The following SLC24A3 variants were observed in gnomAD, a reference collection of about 807,000 sequenced individuals.
SLC24A3 encodes the protein sodium/potassium/calcium exchanger 3.
SLC24A3 carries 28 observed loss-of-function variants against 75.8 expected under a neutral mutation model. The observed-to-expected ratio is 0.37, with a 90% CI of 0.27 to 0.51. SLC24A3 has a LOEUF of 0.51. Ranked by LOEUF, SLC24A3 falls within the 20% of genes least tolerant of loss-of-function variation. The pLI is 0.94. For missense variants in SLC24A3, 663 were observed against 847.8 expected, an observed-to-expected ratio of 0.78 and a Z score of 2.71; for synonymous variants, 372 against 334.1, an observed-to-expected ratio of 1.11 and a Z score of -1.24.
At chr20:19,333,236 C>T (rs908850472) in intron 2 of SLC24A3, among the ~76,000 whole-genome samples, 7 of 152,186 alleles carry the variant, frequency 4.6e-5, no homozygotes, top group African/African-American at 1.7e-4. Flanking sequence ...AGAAATTTAT[C>T]CCTGACATCA....
At chr20:19,402,094 G>A (rs1010971289) in intron 2 of SLC24A3, among the ~76,000 whole-genome samples, 1 of 152,134 alleles carries the variant, frequency 6.6e-6, no homozygotes, top group Non-Finnish European at 1.5e-5. Flanking sequence ...TTCAGGAAAG[G>A]AAGAAACAAC....
chr20:19,648,121 G>A (rs550190593), intron 6 of SLC24A3, among the ~76,000 whole-genome samples: 1 of 152,270 alleles, frequency 6.6e-6, no homozygotes, highest in Admixed American at 6.5e-5. Context: ...TTTTTTAAAA[G>A]TGTACTTCAT....
intron 2 of SLC24A3, among the ~76,000 whole-genome samples, chr20:19,327,352 T>G (rs1358780755): frequency 6.6e-6 from 1 of 152,198 alleles, no homozygotes; most frequent in Non-Finnish European, 1.5e-5. Context: ...GTTCTTTCAT[T>G]TTCCCATGCA....
intron 2 of SLC24A3, among the ~76,000 whole-genome samples, chr20:19,344,206 T>A (rs1157114326): frequency 6.6e-6 from 1 of 152,242 alleles, no homozygotes; most frequent in Admixed American, 6.5e-5. Flanking sequence ...TTTTTTAAAA[T>A]GTGTTTGTCT....
chr20:19,514,060 G>C (rs1310351137), intron 2 of SLC24A3, among the ~76,000 whole-genome samples: 1 of 152,352 alleles, frequency 6.6e-6, no homozygotes, highest in East Asian at 1.9e-4. Context: ...AACACTTCGT[G>C]TGGCTCCAAC....
chr20:19,225,029 G>A (rs1051232046), intron 1 of SLC24A3, among the ~76,000 whole-genome samples: 1 of 152,144 alleles, frequency 6.6e-6, no homozygotes, highest in Admixed American at 6.5e-5. Flanking sequence ...AGAAACACTG[G>A]CTGTTGGAAT....
At chr20:19,248,121 A>G (rs1390459159) in intron 1 of SLC24A3, among the ~76,000 whole-genome samples, 1 of 152,230 alleles carries the variant, frequency 6.6e-6, no homozygotes, top group Non-Finnish European at 1.5e-5. Context: ...TCCCAAAAAT[A>G]GAAAAAAACA....
chr20:19,531,942 T>C (rs10211763), intron 3 of SLC24A3, among the ~76,000 whole-genome samples: 16,469 of 152,100 alleles, frequency 0.11, 981 homozygotes, highest in South Asian at 0.12. Context: ...ATCTCCTCCA[T>C]GTTAGAGGTG....
chr20:19,304,718 A>G (rs1220120622), intron 2 of SLC24A3, among the ~76,000 whole-genome samples: 1 of 152,194 alleles, frequency 6.6e-6, no homozygotes. Flanking sequence ...AAAACATTTT[A>G]CAAGGGGGAA....
chr20:19,505,025 A>G (rs1484672328), intron 2 of SLC24A3, among the ~76,000 whole-genome samples: 1 of 152,232 alleles, frequency 6.6e-6, no homozygotes, highest in Non-Finnish European at 1.5e-5. Flanking sequence ...ATAAAGAAAT[A>G]TGTTTCTAGT....
chr20:19,695,836 C>T (rs913136499), intron 13 of SLC24A3: 3 of 152,148 alleles, frequency 2.0e-5, no homozygotes, highest in African/African-American at 7.2e-5. Flanking sequence ...GTAGCACCCA[C>T]TTATGAGTGA....
At chr20:19,256,730 C>T (rs1440180108) in intron 1 of SLC24A3, among the ~76,000 whole-genome samples, 1 of 141,928 alleles carries the variant, frequency 7.0e-6, no homozygotes, top group African/African-American at 2.7e-5. Context: ...GATCATGCCA[C>T]TGCACTCCAG....
chr20:19,632,487 C>G (rs2031946749), intron 6 of SLC24A3, among the ~76,000 whole-genome samples: 1 of 152,134 alleles, frequency 6.6e-6, no homozygotes, highest in South Asian at 2.1e-4. Context: ...TCACTCATCC[C>G]TCTGATCCTC....
chr20:19,281,211 G>A, intron 2 of SLC24A3, 124 bp downstream of exon 2: 4 of 1,400,070 alleles, frequency 2.9e-6, no homozygotes, highest in Non-Finnish European at 3.8e-6. Flanking sequence ...TGTTTAGGAT[G>A]GGAGTCTAAG....
chr20:19,338,844 AG>A (rs1413587644), intron 2 of SLC24A3, among the ~76,000 whole-genome samples: 1 of 152,160 alleles, frequency 6.6e-6, no homozygotes, highest in Non-Finnish European at 1.5e-5. Flanking sequence ...TCAATGATAG[AG>A]GTTATTAGCA....
intron 1 of SLC24A3, among the ~76,000 whole-genome samples, chr20:19,273,994 C>T (rs1010941593): frequency 7.9e-5 from 12 of 151,088 alleles, no homozygotes; most frequent in African/African-American, 2.2e-4. Context: ...GGAGAAGGCA[C>T]GAAGTGCCCT....
chr20:19,546,821 C>G (rs924875806), intron 3 of SLC24A3, among the ~76,000 whole-genome samples: 3 of 152,192 alleles, frequency 2.0e-5, no homozygotes, highest in Non-Finnish European at 4.4e-5. Context: ...GGTGCATTCA[C>G]ACTCCAGAGT....
At chr20:19,363,253 CTT>C (rs1985825499) in intron 2 of SLC24A3, among the ~76,000 whole-genome samples, 2 of 152,208 alleles carry the variant, frequency 1.3e-5, no homozygotes, top group African/African-American at 4.8e-5. Flanking sequence ...GCCGTGGGCC[CTT>C]TTGTTCCCCT....
At position 19,649,315 on chromosome 20, in the gene SLC24A3, T is replaced by C. The variant is rs569478653; in HGVS notation, c.613-4747T>C. Among the ~76,000 whole-genome samples the C allele has an allele frequency of 4.4e-4, 67 of 152,318 alleles. 1 individual carries two copies. The highest frequency in any genetic ancestry group is 6.8e-3 in the Middle Eastern group (2 of 294). ...CCACATGGAGCCCAGAAGACGAGGG[T>C]ATTCATGTTTGTGAAACAGTGAAAC... On this transcript the variant is annotated intron_variant, in intron 6 of 16. Transcript: ENST00000328041.
Sources: gnomAD v4.1 joint callset for allele counts (sites outside exome capture counted in the v4.1 genomes callset) on GRCh38, gnomAD v4.1.1 for gene constraint, MANE v1.5 for transcripts, NCBI Gene and HGNC (gene_info 2026-07-23, HGNC 2026-07-21) for gene names.